Variants in EPS8 observed in about 807,000 individuals in gnomAD.
The protein encoded by EPS8 is EGFR pathway substrate 8, signaling adaptor.
Under a neutral mutation model 103.8 loss-of-function variants are expected in EPS8, and 42 were observed. That is an observed-to-expected ratio of 0.40 (90% CI 0.32 to 0.52). The LOEUF (loss-of-function observed/expected upper bound fraction) is 0.52, where lower values mean the gene tolerates loss of function less well. EPS8 is among the 20% of genes least tolerant of loss of function. EPS8 has a pLI of 0.40. For synonymous variants in EPS8, 344 were observed against 344.6 expected, an observed-to-expected ratio of 1.00 and a Z score of 0.02; for missense variants, 969 against 1,005.1, an observed-to-expected ratio of 0.96 and a Z score of 0.49.
At chr12:15,649,921 G>A (rs1259306289) in intron 14 of EPS8, among the ~76,000 whole-genome samples, 1 of 151,992 alleles carries the variant, frequency 6.6e-6, no homozygotes. Flanking sequence ...TAGGATTTCG[G>A]GAAGATCTAG....
intron 1 of EPS8, among the ~76,000 whole-genome samples, chr12:15,741,891 G>A (rs1171131304): frequency 6.6e-6 from 1 of 152,126 alleles, no homozygotes; most frequent in Non-Finnish European, 1.5e-5. Flanking sequence ...AGGCCCCAGT[G>A]TGTGATGTTC....
chr12:15,645,926 T>C (rs553411093), intron 15 of EPS8, among the ~76,000 whole-genome samples: 28 of 152,144 alleles, frequency 1.8e-4, no homozygotes, highest in African/African-American at 6.7e-4. Flanking sequence ...ATTACTGGAG[T>C]GATAAAACAA....
At chr12:15,709,981 C>G (rs550667254) in intron 1 of EPS8, among the ~76,000 whole-genome samples, 1 of 152,320 alleles carries the variant, frequency 6.6e-6, no homozygotes, top group Non-Finnish European at 1.5e-5. Flanking sequence ...GCTGATCTGA[C>G]AGGAGGCAGA....
intron 16 of EPS8, 31 bp downstream of exon 16, chr12:15,641,691 T>C: frequency 9.3e-7 from 1 of 1,078,424 alleles, no homozygotes. Context: ...ACTACTTTAT[T>C]AAGAGTATAA....
intron 1 of EPS8, among the ~76,000 whole-genome samples, chr12:15,768,740 G>T (rs968322878): frequency 1.3e-5 from 2 of 152,000 alleles, no homozygotes; most frequent in Non-Finnish European, 2.9e-5. Context: ...CAAATAGGTG[G>T]ATGGCTAACA....
At chr12:15,686,458 G>A (rs1475308289) in intron 1 of EPS8, among the ~76,000 whole-genome samples, 1 of 151,978 alleles carries the variant, frequency 6.6e-6, no homozygotes, top group African/African-American at 2.4e-5. Context: ...ATTTCCTTAT[G>A]AAAACACTTT....
chr12:15,785,260 T>C lies in EPS8; in HGVS notation c.-22+3901A>G, dbSNP rs1947300234. On this transcript the variant is annotated intron_variant, in intron 1 of 20. Coordinates refer to ENST00000281172, the MANE Select transcript of EPS8 (RefSeq NM_004447.6). The surrounding 1 kb of genome is among the most constrained non-coding windows in gnomAD (Gnocchi z 4.9). ...TTAGCTGACTAACTCTAGAAATGAG[T>C]AGAAGCTGTGAGACTAAAAGCAAAA... Among the ~76,000 whole-genome samples, 1 of 152,026 alleles carries C rather than the reference T, an allele frequency of 6.6e-6. No homozygotes were observed. The highest frequency in any genetic ancestry group is 6.6e-5 in the Admixed American group (1 of 15,260).
chr12:15,653,569 C>T (rs959320570), intron 13 of EPS8, among the ~76,000 whole-genome samples: 1 of 152,142 alleles, frequency 6.6e-6, no homozygotes, highest in Non-Finnish European at 1.5e-5. Flanking sequence ...CCTTGCCCTA[C>T]TATGGAACTG....
rs1366006083 is a variant in EPS8, at chr12:15,706,291, C to A, written c.-21-23319G>T. Among the ~76,000 whole-genome samples the A allele has an allele frequency of 6.6e-6, 1 of 152,328 alleles. No individual in the cohort carries two copies. The highest frequency in any genetic ancestry group is 1.9e-4 in the East Asian group (1 of 5,186). Reference sequence around the variant, plus strand: ...AGGAGCCTGGCCTTGCCTTTTCCTGCGTGGAACCTGGGATTCAAAAGGCAA... The same window carrying A: ...AGGAGCCTGGCCTTGCCTTTTCCTGAGTGGAACCTGGGATTCAAAAGGCAA... On this transcript the variant is annotated intron_variant, in intron 1 of 20. Transcript: ENST00000281172. The surrounding 1 kb of genome is among the most constrained non-coding windows in gnomAD (Gnocchi z 5.2).
At chr12:15,639,064 A>T (rs1945184819) in intron 17 of EPS8, among the ~76,000 whole-genome samples, 1 of 152,344 alleles carries the variant, frequency 6.6e-6, no homozygotes, top group African/African-American at 2.4e-5. Context: ...CACAAATAAA[A>T]CAAATTTGGA....
At chr12:15,783,240 T>C (rs373173105) in intron 1 of EPS8, among the ~76,000 whole-genome samples, 18 of 152,308 alleles carry the variant, frequency 1.2e-4, no homozygotes, top group African/African-American at 4.3e-4. Flanking sequence ...CTCTCCCTTA[T>C]GGTTTTCCTA....
chr12:15,749,123 A>G lies in EPS8; in HGVS notation c.-22+40038T>C, dbSNP rs116721032. On this transcript the variant is annotated intron_variant, in intron 1 of 20. Coordinates refer to ENST00000281172, the MANE Select transcript of EPS8 (RefSeq NM_004447.6). The surrounding 1 kb of genome is among the most constrained non-coding windows in gnomAD (Gnocchi z 4.0). ...GAACTATATTACCTTAATTTGTCAT[A>G]AAATGTATTGATTACCTGACTATTT... Among the ~76,000 whole-genome samples, 457 of 152,278 alleles carry G rather than the reference A, an allele frequency of 3.0e-3. 5 individuals are homozygous for G. The highest frequency in any genetic ancestry group is 0.011 in the African/African-American group (440 of 41,546).
intron 1 of EPS8, chr12:15,788,058 C>T (rs1166741136): frequency 2.0e-5 from 3 of 152,126 alleles, no homozygotes; most frequent in African/African-American, 7.2e-5. Context: ...AGAGGCAATA[C>T]ACAACACAGT....
intron 12 of EPS8, among the ~76,000 whole-genome samples, chr12:15,656,965 C>G (rs1945517768): frequency 6.6e-6 from 1 of 152,078 alleles, no homozygotes; most frequent in South Asian, 2.1e-4. Context: ...CACCATAATC[C>G]CCCATCTGGA....
At chr12:15,634,483 T>G (rs1945102758) in intron 17 of EPS8, among the ~76,000 whole-genome samples, 2 of 152,184 alleles carry the variant, frequency 1.3e-5, no homozygotes, top group African/African-American at 4.8e-5. Flanking sequence ...TATTGAGAGA[T>G]AAGATCCTGA....
intron 18 of EPS8, among the ~76,000 whole-genome samples, chr12:15,630,000 C>T (rs191196414): frequency 3.9e-5 from 6 of 152,168 alleles, no homozygotes; most frequent in Admixed American, 6.5e-5. Context: ...ATCTGGATGT[C>T]AGAGATGAGT....
intron 20 of EPS8, 45 bp from the exon 21 acceptor site, chr12:15,621,475 G>C (rs760566689): frequency 1.9e-6 from 2 of 1,080,240 alleles, no homozygotes; most frequent in Non-Finnish European, 2.8e-6. Context: ...GACTTGTGCA[G>C]GCTGCAGGTC....
chr12:15,649,944 G>C (rs915141573), intron 14 of EPS8, among the ~76,000 whole-genome samples: 1 of 152,026 alleles, frequency 6.6e-6, no homozygotes, highest in Non-Finnish European at 1.5e-5. Flanking sequence ...ATCATTTACT[G>C]TTTCTTCTTC....
intron 12 of EPS8, among the ~76,000 whole-genome samples, chr12:15,655,384 C>T (rs759392310): frequency 2.0e-5 from 3 of 152,164 alleles, no homozygotes; most frequent in Admixed American, 6.5e-5. Context: ...TATGCATATT[C>T]GTAACACATT....
Sources: allele counts gnomAD v4.1 joint callset (sites outside exome capture counted in the v4.1 genomes callset), GRCh38; gene constraint gnomAD v4.1.1; non-coding constraint Gnocchi (gnomAD v3.1); transcripts MANE v1.5; gene names NCBI Gene and HGNC (gene_info 2026-07-23, HGNC 2026-07-21).